CPNE4: variants seen among roughly 807,000 people sequenced by gnomAD.
CPNE4 encodes the protein copine-4.
In CPNE4, 25 loss-of-function variants were observed where a neutral mutation model predicts 67.9. The ratio of observed to expected loss-of-function variants is 0.37; its 90% confidence interval spans 0.27 to 0.51. CPNE4 has a LOEUF of 0.51. Ranked by LOEUF, CPNE4 falls within the 20% of genes least tolerant of loss-of-function variation. The pLI is 0.93. For synonymous variants in CPNE4, 242 were observed against 244.9 expected (o/e 0.99, Z 0.11); for missense variants, 464 against 690.8 (o/e 0.67, Z 3.68).
intron 2 of CPNE4, among the ~76,000 whole-genome samples, chr3:131,741,522 GC>G (rs577807483): frequency 6.6e-6 from 1 of 152,112 alleles, no homozygotes; most frequent in South Asian, 2.1e-4. Flanking sequence ...AGGGTTGGGG[GC>G]AAGGTATTTC....
chr3:131,999,962 C>A (rs2107661097), intron 1 of CPNE4, among the ~76,000 whole-genome samples: 1 of 151,886 alleles, frequency 6.6e-6, no homozygotes, highest in African/African-American at 2.4e-5. Flanking sequence ...AATGATAAAT[C>A]CTGTAGTCAT....
intron 12 of CPNE4, among the ~76,000 whole-genome samples, chr3:131,554,531 A>G (rs1006622961): frequency 6.6e-6 from 1 of 152,090 alleles, no homozygotes; most frequent in Admixed American, 6.6e-5. Context: ...TGTGGAATAC[A>G]AGGCAAGAAA....
At chr3:131,965,912 C>A (rs577224457) in intron 1 of CPNE4, among the ~76,000 whole-genome samples, 3 of 152,332 alleles carry the variant, frequency 2.0e-5, no homozygotes, top group South Asian at 4.1e-4. Context: ...TCCAAATCAA[C>A]AGAATATACA....
At chr3:132,028,534 A>T (rs983071201) in intron 1 of CPNE4, among the ~76,000 whole-genome samples, 5 of 152,290 alleles carry the variant, frequency 3.3e-5, no homozygotes, top group Middle Eastern at 3.4e-3. Flanking sequence ...GGGGGAAGGG[A>T]TAAGAGATGG....
chr3:131,652,434 C>T lies in CPNE4; in HGVS notation c.681+17241G>A, dbSNP rs948550090. On this transcript the variant is annotated intron_variant, in intron 7 of 15. Coordinates refer to ENST00000429747, the MANE Select transcript of CPNE4 (RefSeq NM_130808.3). The stretch of plus-strand genomic sequence containing the variant: ...AAAAGTAGAATACACTTGCCCATAC[C>T]GGGAAACCTCTCTAGGACTTTTAAA... Among the ~76,000 whole-genome samples the T allele has an allele frequency of 5.3e-5, 8 of 152,070 alleles. 1 individual carries two copies. Among genetic ancestry groups the T allele is most frequent in the Admixed American group, 6.5e-5 (1 of 15,280 alleles).
chr3:131,653,394 C>T lies in CPNE4; in HGVS notation c.681+16281G>A, dbSNP rs376019283. On this transcript the variant is annotated intron_variant, in intron 7 of 15. Transcript: ENST00000429747. Reference sequence around the variant, plus strand: ...CGATCTGCTGACCTCGTGATCTGCCCGCCTCGGCCTCCCAAAGTGCTGGGA... The same window carrying T: ...CGATCTGCTGACCTCGTGATCTGCCTGCCTCGGCCTCCCAAAGTGCTGGGA... 7.9e-5 allele frequency among the ~76,000 whole-genome samples: 12 copies of T among 152,012 alleles called. No individual in the cohort carries two copies. The South Asian group carries it at 1.7e-3, about 21-fold the overall frequency.
At chr3:131,767,483 C>T (rs2107826359) in intron 2 of CPNE4, among the ~76,000 whole-genome samples, 1 of 152,184 alleles carries the variant, frequency 6.6e-6, no homozygotes, top group African/African-American at 2.4e-5. Flanking sequence ...GGCATCTTTT[C>T]ATATTAATAG....
intron 1 of CPNE4, among the ~76,000 whole-genome samples, chr3:131,962,036 T>TA (rs2072197358): frequency 6.6e-6 from 1 of 152,208 alleles, no homozygotes; most frequent in Admixed American, 6.5e-5. Flanking sequence ...TTTGAGTGCC[T>TA]AAAAAAGTAC....
chr3:131,745,490 G>A (rs973932415), intron 2 of CPNE4, among the ~76,000 whole-genome samples: 3 of 151,972 alleles, frequency 2.0e-5, no homozygotes, highest in African/African-American at 4.8e-5. Flanking sequence ...AGAACTTTTT[G>A]CCTAACCCTA....
chr3:132,017,862 G>A (rs1189173104), intron 1 of CPNE4: 2 of 152,418 alleles, frequency 1.3e-5, no homozygotes, highest in Non-Finnish European at 2.9e-5. Context: ...AGGGCTCAGA[G>A]GCTCCACGGG....
chr3:131,807,351 T>C (rs886608569), intron 2 of CPNE4, among the ~76,000 whole-genome samples: 1 of 152,218 alleles, frequency 6.6e-6, no homozygotes, highest in African/African-American at 2.4e-5. Context: ...AAAGGTATCA[T>C]ATCGCATATA....
intron 1 of CPNE4, among the ~76,000 whole-genome samples, chr3:132,018,743 G>A (rs1396582259): frequency 6.6e-6 from 1 of 152,160 alleles, no homozygotes; most frequent in South Asian, 2.1e-4. Context: ...CCAAACTCAT[G>A]CTGCAGAAAT....
intron 7 of CPNE4, among the ~76,000 whole-genome samples, chr3:131,627,063 G>A (rs2079091272): frequency 6.6e-6 from 1 of 151,778 alleles, no homozygotes; most frequent in Non-Finnish European, 1.5e-5. Flanking sequence ...TGCGGTGGTG[G>A]GCGCCTGTAA....
chr3:131,976,778 TA>T (rs1304408454), intron 1 of CPNE4, among the ~76,000 whole-genome samples: 1 of 151,954 alleles, frequency 6.6e-6, no homozygotes, highest in Non-Finnish European at 1.5e-5. Flanking sequence ...TAATAAGTGA[TA>T]AAGGAACAAC....
chr3:131,846,896 C>G (rs2086020128), intron 2 of CPNE4, among the ~76,000 whole-genome samples: 1 of 152,166 alleles, frequency 6.6e-6, no homozygotes, highest in South Asian at 2.1e-4. Context: ...GGTGGACACT[C>G]CCGGAAAATT....
intron 2 of CPNE4, among the ~76,000 whole-genome samples, chr3:131,853,093 A>G (rs1400987945): frequency 2.6e-5 from 4 of 151,840 alleles, no homozygotes; most frequent in Non-Finnish European, 5.9e-5. Context: ...ATTTCTATAA[A>G]AAGTCATGTG....
At chr3:131,663,873 C>G (rs940933614) in intron 7 of CPNE4, among the ~76,000 whole-genome samples, 1 of 152,136 alleles carries the variant, frequency 6.6e-6, no homozygotes, top group African/African-American at 2.4e-5. Context: ...ACTTTGGGGA[C>G]CTGCTTCTTC....
chr3:132,037,497 C>A (rs1040102709), upstream of CPNE4: 2 of 1,349,372 alleles, frequency 1.5e-6, no homozygotes, highest in African/African-American at 2.9e-5. Context: ...GCAAGTTGCC[C>A]GCCAGCCACA....
At chr3:131,660,761 G>A (rs1054892624) in intron 7 of CPNE4, among the ~76,000 whole-genome samples, 1 of 152,176 alleles carries the variant, frequency 6.6e-6, no homozygotes, top group Non-Finnish European at 1.5e-5. Context: ...GGAAGAGCCA[G>A]CCAATTCACC....
Sources: gnomAD v4.1 joint callset for allele counts (sites outside exome capture counted in the v4.1 genomes callset) on GRCh38, gnomAD v4.1.1 for gene constraint, MANE v1.5 for transcripts, NCBI Gene and HGNC (gene_info 2026-07-23, HGNC 2026-07-21) for gene names.